Variants in PTPRD observed in about 807,000 individuals in gnomAD.
The protein encoded by PTPRD is receptor-type tyrosine-protein phosphatase delta.
In PTPRD, 34 loss-of-function variants were observed where a neutral mutation model predicts 214.5. The observed-to-expected ratio is 0.16, with a 90% CI of 0.12 to 0.21. The LOEUF (loss-of-function observed/expected upper bound fraction) is 0.21, where lower values mean the gene tolerates loss of function less well. Ranked by LOEUF, PTPRD falls within the 10% of genes least tolerant of loss-of-function variation. PTPRD has a pLI of 1.00. For synonymous variants in PTPRD, 1,128 were observed against 845.7 expected (o/e 1.33, Z -5.79); for missense variants, 2,545 against 2,398.7 (o/e 1.06, Z -1.27).
intron 11 of PTPRD, among the ~76,000 whole-genome samples, chr9:8,895,385 C>T: frequency 6.6e-6 from 1 of 152,174 alleles, no homozygotes; most frequent in Non-Finnish European, 1.5e-5. Flanking sequence ...TTCCCACTCT[C>T]TCTGTCCTTT....
chr9:10,059,293 A>G (rs201988768), intron 3 of PTPRD, among the ~76,000 whole-genome samples: 1 of 152,140 alleles, frequency 6.6e-6, no homozygotes, highest in Non-Finnish European at 1.5e-5. Context: ...GTTGCGCAAT[A>G]CTCATGGGCT....
At chr9:9,729,858 T>C (rs985984200) in intron 7 of PTPRD, among the ~76,000 whole-genome samples, 2 of 152,054 alleles carry the variant, frequency 1.3e-5, no homozygotes, top group Non-Finnish European at 2.9e-5. Context: ...TGACATAAAT[T>C]TACATCAGGA....
chr9:9,030,813 T>C (rs777864501), intron 10 of PTPRD, among the ~76,000 whole-genome samples: 1 of 152,076 alleles, frequency 6.6e-6, no homozygotes, highest in Non-Finnish European at 1.5e-5. Context: ...GTATCCTGTA[T>C]ACTCTAGATT....
chr9:8,551,075 T>A (rs1216400740), intron 14 of PTPRD, among the ~76,000 whole-genome samples: 4 of 152,192 alleles, frequency 2.6e-5, no homozygotes, highest in Admixed American at 2.6e-4. Context: ...GATAAGACTA[T>A]CACTTGGGGG....
At chr9:8,410,686 A>G (rs7849327) in intron 35 of PTPRD, among the ~76,000 whole-genome samples, 53 of 152,036 alleles carry the variant, frequency 3.5e-4, no homozygotes, top group African/African-American at 1.3e-3. Context: ...AAAGTGTTTC[A>G]GTCACATATT....
intron 3 of PTPRD, among the ~76,000 whole-genome samples, chr9:10,049,690 C>T (rs534590403): frequency 6.6e-6 from 1 of 152,116 alleles, no homozygotes; most frequent in Non-Finnish European, 1.5e-5. Flanking sequence ...TAAAGAAAGA[C>T]GAGTGTATAC....
intron 2 of PTPRD, among the ~76,000 whole-genome samples, chr9:10,365,320 G>A (rs979244084): frequency 1.4e-4 from 22 of 152,140 alleles, no homozygotes; most frequent in African/African-American, 4.3e-4. Flanking sequence ...CATTGCTAAC[G>A]TAACCCCTGA....
chr9:10,283,892 C>G (rs2095246589), intron 3 of PTPRD, among the ~76,000 whole-genome samples: 1 of 152,098 alleles, frequency 6.6e-6, no homozygotes, highest in East Asian at 1.9e-4. Context: ...ATTCACAAGT[C>G]CTATATGTTG....
intron 11 of PTPRD, among the ~76,000 whole-genome samples, chr9:8,743,708 C>T (rs574928580): frequency 9.2e-5 from 14 of 151,766 alleles, no homozygotes; most frequent in Admixed American, 5.3e-4. Context: ...ACTTCATGAC[C>T]AAGAACCCAA....
At chr9:9,944,009 C>T (rs1311772408) in intron 4 of PTPRD, among the ~76,000 whole-genome samples, 1 of 152,108 alleles carries the variant, frequency 6.6e-6, no homozygotes, top group African/African-American at 2.4e-5. Flanking sequence ...GTCAGAGTAT[C>T]TAAAAGTTGG....
At chr9:8,372,373 C>T (rs1228299739) in intron 39 of PTPRD, among the ~76,000 whole-genome samples, 1 of 151,888 alleles carries the variant, frequency 6.6e-6, no homozygotes, top group East Asian at 1.9e-4. Context: ...TTCTATATGC[C>T]ATGCACTGTC....
intron 10 of PTPRD, among the ~76,000 whole-genome samples, chr9:9,162,002 G>A (rs558778568): frequency 6.6e-6 from 1 of 152,006 alleles, no homozygotes; most frequent in South Asian, 2.1e-4. Context: ...AGAGTAGCAG[G>A]ATAACATGAT....
intron 9 of PTPRD, among the ~76,000 whole-genome samples, chr9:9,292,545 TTAAC>T (rs1387726975): frequency 1.3e-5 from 2 of 151,530 alleles, no homozygotes; most frequent in Admixed American, 6.6e-5. Context: ...ATTTTCCCTA[TTAAC>T]TAACATCTTA....
rs1449466901 is a variant in PTPRD, at chr9:8,404,632, C to A, written c.4115G>T (p.Trp1372Leu). ...GTTTACTTCCAAGTTTGAATGTTCC[C>A]AAGTGAACTGCTGGCCAGGGTCAAT... is the stretch of plus-strand genomic sequence containing the variant. ...ESIDPGQQFT[W>L]EHSNLEVNKP... The change falls in exon 36 of 46, where the codon TGG becomes TTG. Residue 1372 changes from tryptophan to leucine, a missense_variant. Transcript: ENST00000381196. 1.2e-6 allele frequency: 2 copies of A among 1,612,170 alleles called. No individual in the cohort carries two copies. Among genetic ancestry groups the A allele is most frequent in the Admixed American group, 3.3e-5 (2 of 60,000 alleles).
intron 5 of PTPRD, among the ~76,000 whole-genome samples, chr9:9,920,372 C>A (rs2082220802): frequency 6.6e-6 from 1 of 152,034 alleles, no homozygotes; most frequent in African/African-American, 2.4e-5. Flanking sequence ...TTCAATATCC[C>A]TGCTGTTTCA....
intron 3 of PTPRD, among the ~76,000 whole-genome samples, chr9:10,087,901 G>A (rs1276790243): frequency 2.0e-5 from 3 of 151,632 alleles, no homozygotes; most frequent in South Asian, 2.1e-4. Flanking sequence ...TCTCATGTAA[G>A]CATAATCATT....
At chr9:9,928,842 C>G (rs979329993) in intron 5 of PTPRD, among the ~76,000 whole-genome samples, 1 of 151,360 alleles carries the variant, frequency 6.6e-6, no homozygotes, top group African/African-American at 2.4e-5. Context: ...TTTCTTTAAA[C>G]TTGATGCTTT....
intron 10 of PTPRD, among the ~76,000 whole-genome samples, chr9:9,148,594 G>A (rs1029373538): frequency 6.6e-6 from 1 of 152,024 alleles, no homozygotes; most frequent in African/African-American, 2.4e-5. Flanking sequence ...CATCAGAACC[G>A]AAACTGTGAG....
chr9:8,825,459 G>A (rs1214832806), intron 11 of PTPRD, among the ~76,000 whole-genome samples: 1 of 152,096 alleles, frequency 6.6e-6, no homozygotes, highest in African/African-American at 2.4e-5. Context: ...GAGGTAGAGA[G>A]AAATAAATAT....
Sources: gnomAD v4.1 joint callset for allele counts (sites outside exome capture counted in the v4.1 genomes callset) on GRCh38, gnomAD v4.1.1 for gene constraint, MANE v1.5 for transcripts, NCBI Gene and HGNC (gene_info 2026-07-23, HGNC 2026-07-21) for gene names.